The following EXD1 variants were observed in gnomAD, a reference collection of about 807,000 sequenced individuals.
The protein encoded by EXD1 is exonuclease 3'-5' domain containing 1.
Under a neutral mutation model 49.1 loss-of-function variants are expected in EXD1, and 63 were observed. The observed-to-expected ratio is 1.28, with a 90% confidence interval of 1.05 to 1.58. The LOEUF is 1.58. Ranked by LOEUF, EXD1 falls within the 40% of genes most tolerant of loss-of-function variation. The pLI is 0.00. For missense variants in EXD1, 748 were observed against 666.0 expected (o/e 1.12, Z -1.36); for synonymous variants, 234 against 239.2 (o/e 0.98, Z 0.20).
At position 41,209,510 on chromosome 15, in the gene EXD1, GCA is replaced by G. The variant is rs1237679702; in HGVS notation, c.523_524del (p.Cys175LeufsTer14). 1.9e-6 allele frequency: 3 copies of G among 1,613,928 alleles called. No homozygotes were observed. Among genetic ancestry groups the G allele is most frequent in the Non-Finnish European group, 2.5e-6 (3 of 1,179,974 alleles). On this transcript the variant is annotated frameshift_variant, in exon 7 of 12. Coordinates refer to ENST00000458580, the MANE Select transcript of EXD1 (RefSeq NM_001286441.2). LOFTEE classifies it high-confidence loss of function. ...TTCAAAAATCTTTCACCTGCAGCCA[GCA>G]CAGTTTGCCATGGCGACATACATTC... ...GANVCRHGKL[C>X]WLQVATNCRV...
chr15:41,188,178 T>G (rs1041572768), intron 11 of EXD1, among the ~76,000 whole-genome samples: 1 of 149,320 alleles, frequency 6.7e-6, no homozygotes, highest in Non-Finnish European at 1.5e-5. Flanking sequence ...CTTCTACTAC[T>G]TTTTTTTTTA....
chr15:41,193,912 G>A (rs1268416370), intron 9 of EXD1, among the ~76,000 whole-genome samples: 1 of 151,452 alleles, frequency 6.6e-6, no homozygotes, highest in Non-Finnish European at 1.5e-5. Context: ...ACATGCAAAA[G>A]GGACTTTGCA....
chr15:41,187,774 G>A (rs1412590291), intron 11 of EXD1, among the ~76,000 whole-genome samples: 1 of 152,018 alleles, frequency 6.6e-6, no homozygotes, highest in Non-Finnish European at 1.5e-5. Flanking sequence ...CTAGCACTCT[G>A]GGAGGCCGAG....
intron 6 of EXD1, among the ~76,000 whole-genome samples, chr15:41,211,410 C>G (rs556889911): frequency 3.0e-4 from 45 of 152,122 alleles, no homozygotes; most frequent in African/African-American, 1.1e-3. Flanking sequence ...CACGCCTGGC[C>G]ACAAGTTCTT....
At chr15:41,220,337 C>T (rs1179396824) in intron 2 of EXD1, among the ~76,000 whole-genome samples, 1 of 151,466 alleles carries the variant, frequency 6.6e-6, no homozygotes, top group Admixed American at 6.6e-5. Context: ...GTAGCGCAAT[C>T]TCGGCTCACT....
At chr15:41,210,442 A>G (rs1595448194) in intron 6 of EXD1, among the ~76,000 whole-genome samples, 1 of 152,210 alleles carries the variant, frequency 6.6e-6, no homozygotes, top group Non-Finnish European at 1.5e-5. Flanking sequence ...CTATAATCCC[A>G]GCACTTTGGG....
In EXD1 at chr15:41,219,829, C is replaced by G; in HGVS notation, c.202+1G>C. On this transcript the variant is annotated splice_donor_variant, in intron 3 of 11. Coordinates refer to ENST00000458580, the MANE Select transcript of EXD1 (RefSeq NM_001286441.2). LOFTEE classifies it high-confidence loss of function. ...ATTTTCAAGGAACATGGGGGTCTCA[C>G]CATTCACAATCTCATGCCCAAAAAA... 6.5e-7 allele frequency: 1 copy of G among 1,535,116 alleles called. No homozygotes were observed. Among genetic ancestry groups the G allele is most frequent in the Non-Finnish European group, 8.7e-7 (1 of 1,146,224 alleles).
Position 41,202,189 on chromosome 15 carries a change from T to C in EXD1, c.535-6152A>G, listed in dbSNP as rs987352212. 1.5e-3 allele frequency among the ~76,000 whole-genome samples: 223 copies of C among 151,448 alleles called. 2 individuals carry two copies. Among genetic ancestry groups the C allele is most frequent in the African/African-American group, 5.2e-3 (215 of 41,300 alleles). ...ATATTTTTTTTAATTTAATTTTATT[T>C]TTTGAGACAGAGTCTCACTCTGTCG... On this transcript the variant is annotated intron_variant, in intron 7 of 11. Transcript: ENST00000458580.
At chr15:41,196,592 A>T (rs968623770) in intron 7 of EXD1, among the ~76,000 whole-genome samples, 1 of 150,232 alleles carries the variant, frequency 6.7e-6, no homozygotes, top group East Asian at 2.0e-4. Context: ...CTGGGATTAC[A>T]TGTGTGAGCG....
At chr15:41,200,386 G>A (rs1285012305) in intron 7 of EXD1, among the ~76,000 whole-genome samples, 3 of 152,050 alleles carry the variant, frequency 2.0e-5, no homozygotes, top group African/African-American at 7.2e-5. Context: ...AGTTGGGCGT[G>A]GTGGTGTGCA....
chr15:41,222,934 CAAAA>C (rs562493256), intron 2 of EXD1, among the ~76,000 whole-genome samples: 1 of 100,196 alleles, frequency 1.0e-5, no homozygotes, highest in Non-Finnish European at 2.2e-5. Flanking sequence ...GACTCTGTCT[CAAAA>C]AAAAAAAAAA....
At chr15:41,194,046 C>T (rs1240317305) in intron 9 of EXD1, among the ~76,000 whole-genome samples, 1 of 121,844 alleles carries the variant, frequency 8.2e-6, no homozygotes, top group Non-Finnish European at 1.6e-5. Flanking sequence ...GAGTCTTGCT[C>T]TCTCTCCCAG....
chr15:41,216,723 A>G lies in EXD1; in HGVS notation c.333T>C (p.Pro111=), dbSNP rs2047004592. Residue 111 remains proline (P), a synonymous_variant, in exon 5 of 12, where the codon CCT becomes CCC. Coordinates refer to ENST00000458580, the MANE Select transcript of EXD1 (RefSeq NM_001286441.2). ...GAGAGGTAGCTGGTGCTTCAGGGGC[A>G]GGAGAAGCAGGCTCACATACATTTA... ...EDLNVCEPAS[P]APEAPATSLL... is the part of the protein sequence containing the mutation. 2.5e-6 allele frequency: 4 copies of G among 1,613,810 alleles called. No individual in the cohort carries two copies. The highest frequency in any genetic ancestry group is 3.4e-6 in the Non-Finnish European group (4 of 1,180,034).
At chr15:41,217,008 T>A (rs1474285237) in intron 4 of EXD1, 89 bp downstream of exon 4, 3 of 1,348,154 alleles carry the variant, frequency 2.2e-6, no homozygotes, top group Non-Finnish European at 3.1e-6. Flanking sequence ...TGCCAAGGAA[T>A]TAAGCAGCTG....
Position 41,184,529 on chromosome 15 carries a change from T to C in EXD1, c.1121A>G (p.Glu374Gly). The part of the protein sequence containing the change: ...QLKDFQKQRR[E>G]KAAREYRVNA... ...CACCCTATATTCTCTTGCAGCTTTCTCCCTGCGCTGCTTCTGGAAGTCCTT... is the reference window on the plus strand; with the variant it reads ...CACCCTATATTCTCTTGCAGCTTTCCCCCTGCGCTGCTTCTGGAAGTCCTT... Residue 374 changes from glutamate to glycine, a missense_variant, in exon 12 of 12, where the codon GAG becomes GGG. Transcript: ENST00000458580. 6.2e-7 allele frequency: 1 copy of C among 1,612,930 alleles called. No individual in the cohort carries two copies. The highest frequency in any genetic ancestry group is 8.5e-7 in the Non-Finnish European group (1 of 1,179,712).
chr15:41,194,282 A>T (rs2046577287), intron 9 of EXD1, among the ~76,000 whole-genome samples: 1 of 152,090 alleles, frequency 6.6e-6, no homozygotes, highest in Non-Finnish European at 1.5e-5. Flanking sequence ...AAGTGTTGGG[A>T]TTACAGGTGT....
At chr15:41,217,890 G>C (rs2047025527) in intron 3 of EXD1, among the ~76,000 whole-genome samples, 1 of 152,188 alleles carries the variant, frequency 6.6e-6, no homozygotes. Flanking sequence ...TCTTTTCTCT[G>C]TACTATCTAG....
chr15:41,198,843 T>A (rs955252745), intron 7 of EXD1, among the ~76,000 whole-genome samples: 5 of 151,420 alleles, frequency 3.3e-5, no homozygotes, highest in African/African-American at 1.2e-4. Flanking sequence ...GTAGCTGGGA[T>A]TACAGGTGCC....
intron 1 of EXD1, among the ~76,000 whole-genome samples, chr15:41,229,995 C>T (rs1239695758): frequency 6.6e-6 from 1 of 151,944 alleles, no homozygotes; most frequent in Admixed American, 6.6e-5. Flanking sequence ...CGTGTTCTAA[C>T]CAAACAGGTG....
Sources: allele counts gnomAD v4.1 joint callset (sites outside exome capture counted in the v4.1 genomes callset), GRCh38; gene constraint gnomAD v4.1.1; transcripts MANE v1.5; gene names NCBI Gene and HGNC (gene_info 2026-07-23, HGNC 2026-07-21).